Variants in RMND5B observed in about 807,000 individuals in gnomAD.
RMND5B encodes the protein required for meiotic nuclear division 5 homolog B.
RMND5B carries 42 observed loss-of-function variants against 50.4 expected under a neutral mutation model. The ratio of observed to expected loss-of-function variants is 0.83; its 90% CI spans 0.65 to 1.08. The LOEUF (loss-of-function observed/expected upper bound fraction) is 1.08. Ranked by LOEUF, RMND5B falls within the 50% of genes least tolerant of loss-of-function variation. The pLI, the probability that RMND5B is intolerant of heterozygous loss-of-function variation, is 0.00. For synonymous variants in RMND5B, 220 were observed against 210.0 expected (o/e 1.05, Z -0.41); for missense variants, 463 against 508.5 (o/e 0.91, Z 0.86).
intron 2 of RMND5B, among the ~76,000 whole-genome samples, chr5:178,134,778 C>T (rs970360040): frequency 1.3e-5 from 2 of 151,036 alleles, no homozygotes; most frequent in Non-Finnish European, 2.9e-5. Flanking sequence ...ACCAGCCTGG[C>T]CAAAATGGCG....
intron 7 of RMND5B, 74 bp downstream of exon 7, chr5:178,144,182 GC>G: frequency 6.6e-7 from 1 of 1,509,014 alleles, no homozygotes; most frequent in Non-Finnish European, 9.0e-7. Flanking sequence ...ACATCAGGCT[GC>G]CAGTCCCTGC....
chr5:178,132,743 T>TATTATTTTA (rs371616349), intron 2 of RMND5B, among the ~76,000 whole-genome samples: 1 of 137,532 alleles, frequency 7.3e-6, no homozygotes, highest in East Asian at 2.2e-4. Context: ...CTCTCTTTTT[T>TATTATTTTA]TTTTTTTTTT....
rs767675306 is a variant in RMND5B, at chr5:178,149,521, C to T, written c.*1489C>T. 4.1e-5 allele frequency: 26 copies of T among 631,252 alleles called. No homozygotes were observed. Among genetic ancestry groups the T allele is most frequent in the Non-Finnish European group, 6.1e-5 (22 of 361,424 alleles). 39.1% of individuals were successfully genotyped at this position (631,252 alleles called of 1,614,324 possible). A position where few individuals can be genotyped will look rare whatever the true frequency, so the allele number is the denominator to read the frequency against. On this transcript the variant is annotated 3_prime_UTR_variant, in exon 11 of 11. Transcript: ENST00000313386. ...ATTCTTGGAACAGCCTTTAGTTCTA[C>T]AGGAAATGGCACTGATGGACAGAAG... is the stretch of plus-strand genomic sequence containing the variant.
chr5:178,134,000 A>T (rs1187887859), intron 2 of RMND5B, among the ~76,000 whole-genome samples: 1 of 152,220 alleles, frequency 6.6e-6, no homozygotes, highest in Non-Finnish European at 1.5e-5. Flanking sequence ...GGCGTGAGCC[A>T]CCGCGCCCTG....
chr5:178,149,720 G>C lies in RMND5B; in HGVS notation c.*1688G>C. The C allele has an allele frequency of 6.2e-7, 1 of 1,613,858 alleles. No homozygotes were observed. Among genetic ancestry groups the C allele is most frequent in the Non-Finnish European group, 8.5e-7 (1 of 1,179,970 alleles). On this transcript the variant is annotated 3_prime_UTR_variant, in exon 11 of 11. Transcript: ENST00000313386. ...AGGTGCTACCGGAGCCCCTCATAGG[G>C]GTAGGGGCAGGGACTGCACCTCCTC...
intron 8 of RMND5B, chr5:178,146,497 G>C (rs959970062): frequency 7.7e-6 from 4 of 520,342 alleles, no homozygotes; most frequent in Non-Finnish European, 1.0e-5. Flanking sequence ...CAGTGGCATG[G>C]TCAAGGTTCC....
At chr5:178,147,354 GACATACATAAGTAC>G in intron 8 of RMND5B, 165 bp from the exon 9 acceptor site, 2 of 604,362 alleles carry the variant, frequency 3.3e-6, no homozygotes. Flanking sequence ...TGTAGAGTCA[GACATACATAAGTAC>G]ATATGTGACA....
At chr5:178,135,966 T>C (rs556431203) in intron 2 of RMND5B, 7 of 152,348 alleles carry the variant, frequency 4.6e-5, no homozygotes, top group African/African-American at 1.4e-4. Flanking sequence ...CTCATCATCA[T>C]TAATGGTTGC....
intron 2 of RMND5B, among the ~76,000 whole-genome samples, chr5:178,135,782 G>A (rs1243840405): frequency 6.6e-6 from 1 of 152,152 alleles, no homozygotes; most frequent in African/African-American, 2.4e-5. Flanking sequence ...GGTAGCTCTT[G>A]GTGTCTGACA....
chr5:178,132,766 T>G (rs1758393619), intron 2 of RMND5B, among the ~76,000 whole-genome samples: 1 of 54,432 alleles, frequency 1.8e-5, no homozygotes, highest in East Asian at 5.2e-4. Flanking sequence ...AGCAACCCTA[T>G]TAACTGAAGA....
At chr5:178,140,745 G>T (rs186103515) in intron 3 of RMND5B, among the ~76,000 whole-genome samples, 5 of 151,484 alleles carry the variant, frequency 3.3e-5, no homozygotes, top group African/African-American at 1.2e-4. Context: ...CATGAGAATC[G>T]CTTGAACCCA....
Position 178,138,519 on chromosome 5 carries a change from T to TTGTGTGTG in RMND5B, c.139+283_139+290dup, listed in dbSNP as rs10657977. The TTGTGTGTG allele has an allele frequency of 0.036, 10,814 of 300,982 alleles. 268 individuals carry two copies. The highest frequency in any genetic ancestry group is 0.06 in the African/African-American group (2,571 of 43,010). 18.6% of individuals were successfully genotyped at this position (300,982 alleles called of 1,614,324 possible). A position where few individuals can be genotyped will look rare whatever the true frequency, so the allele number is the denominator to read the frequency against. On this transcript the variant is annotated intron_variant, in intron 3 of 10. Coordinates refer to ENST00000313386, the MANE Select transcript of RMND5B (RefSeq NM_022762.5). The surrounding 1 kb of genome is among the most constrained non-coding windows in gnomAD (Gnocchi z 5.1). ...TTTTTAACTTTTTTTCATTTTATAA[T>TTGTGTGTG]TGTGTGTGTGTGTGTGTGTGTGTGT... is the stretch of plus-strand genomic sequence containing the variant.
chr5:178,144,720 G>GAAAAAAAAAAAAAAAAAAAAAAAAA (rs111233356), intron 7 of RMND5B, among the ~76,000 whole-genome samples: 3 of 111,778 alleles, frequency 2.7e-5, no homozygotes, highest in South Asian at 3.0e-4. Flanking sequence ...CTCCGTCTCA[G>GAAAAAAAAAAAAAAAAAAAAAAAAA]AAAAAAAAAA....
Position 178,149,614 on chromosome 5 carries a change from G to A in RMND5B, c.*1582G>A, listed in dbSNP as rs1004185681. 7 of 1,530,040 alleles carry A rather than the reference G, an allele frequency of 4.6e-6. No homozygotes were observed. The highest frequency in any genetic ancestry group is 4.1e-5 in the African/African-American group (3 of 73,442). 94.8% of individuals were successfully genotyped at this position (1,530,040 alleles called of 1,614,324 possible). Reference sequence around the variant, plus strand: ...AAGAAGGCGTGCCTTGGGGAACTGGGAAGATGCCGTCAGTGTGGGTGGGCA... The same window carrying A: ...AAGAAGGCGTGCCTTGGGGAACTGGAAAGATGCCGTCAGTGTGGGTGGGCA... On this transcript the variant is annotated 3_prime_UTR_variant, in exon 11 of 11. Coordinates refer to ENST00000313386, the MANE Select transcript of RMND5B (RefSeq NM_022762.5).
chr5:178,144,480 C>T (rs1250736048), intron 7 of RMND5B, among the ~76,000 whole-genome samples: 1 of 151,430 alleles, frequency 6.6e-6, no homozygotes, highest in African/African-American at 2.4e-5. Context: ...GGCACGGTGG[C>T]TCACGCCTGT....
In RMND5B at chr5:178,148,099, G is replaced by A. The variant is rs1043620907; in HGVS notation, c.*67G>A. 1.3e-6 allele frequency: 2 copies of A among 1,514,294 alleles called. No homozygotes were observed. The highest frequency in any genetic ancestry group is 1.8e-6 in the Non-Finnish European group (2 of 1,089,708). 93.8% of individuals were successfully genotyped at this position (1,514,294 alleles called of 1,614,324 possible). ...GTGAGCCTTGGTCTGTCTCGGTAGG[G>A]TGGTCAACTTCAGTGGACTGTGGTT... On this transcript the variant is annotated 3_prime_UTR_variant, in exon 11 of 11. Transcript: ENST00000313386.
Position 178,149,902 on chromosome 5 carries a change from C to T in RMND5B, c.*1870C>T. On this transcript the variant is annotated 3_prime_UTR_variant, in exon 11 of 11. Coordinates refer to ENST00000313386, the MANE Select transcript of RMND5B (RefSeq NM_022762.5). Reference sequence around the variant, plus strand: ...TACAACCTGTATGCCAGGAAGTCACCAACTGATGACCCACCAGCCTAATCT... The same window carrying T: ...TACAACCTGTATGCCAGGAAGTCACTAACTGATGACCCACCAGCCTAATCT... 6.4e-7 allele frequency: 1 copy of T among 1,572,768 alleles called. No homozygotes were observed. The highest frequency in any genetic ancestry group is 8.7e-7 in the Non-Finnish European group (1 of 1,149,570).
At chr5:178,144,729 A>AAAAAAAAAAAAAAAAAAAAAAAAAAC (rs1755892955) in intron 7 of RMND5B, among the ~76,000 whole-genome samples, 1 of 151,618 alleles carries the variant, frequency 6.6e-6, no homozygotes. Flanking sequence ...AGAAAAAAAA[A>AAAAAAAAAAAAAAAAAAAAAAAAAAC]AAAAGACTTG....
Position 178,134,788 on chromosome 5 carries a change from G to A in RMND5B, c.-12-3320G>A, listed in dbSNP as rs371085546. On this transcript the variant is annotated intron_variant, in intron 2 of 10. Transcript: ENST00000313386. ...TCGAGACCAGCCTGGCCAAAATGGC[G>A]AAACCCCGTCTTTACTAAAAATACA... is the stretch of plus-strand genomic sequence containing the variant. 1.2e-4 allele frequency among the ~76,000 whole-genome samples: 18 copies of A among 149,224 alleles called. No individual in the cohort carries two copies. The East Asian group carries it at 1.8e-3, about 15-fold the overall frequency.
Sources: gnomAD v4.1 joint callset for allele counts (sites outside exome capture counted in the v4.1 genomes callset) on GRCh38, gnomAD v4.1.1 for gene constraint, Gnocchi (gnomAD v3.1) non-coding constraint, MANE v1.5 for transcripts, NCBI Gene and HGNC (gene_info 2026-07-23, HGNC 2026-07-21) for gene names.